Variants in MYO5B observed in about 807,000 individuals in gnomAD.
The protein encoded by MYO5B is myosin VB.
Under a neutral mutation model 229.3 loss-of-function variants are expected in MYO5B, and 143 were observed. That is an observed-to-expected ratio of 0.62 (90% CI 0.54 to 0.72). The LOEUF (loss-of-function observed/expected upper bound fraction) is 0.72, where lower values mean the gene tolerates loss of function less well. Among genes scored for constraint, MYO5B ranks in the 30% least tolerant of loss-of-function variants. MYO5B has a pLI of 0.00. For missense variants in MYO5B, 2,321 were observed against 2,331.0 expected, an observed-to-expected ratio of 1.00 and a Z score of 0.09; for synonymous variants, 918 against 885.2, an observed-to-expected ratio of 1.04 and a Z score of -0.66.
At chr18:49,857,038 C>A in intron 29 of MYO5B, 148 bp from the exon 30 acceptor site, 1 of 708,354 alleles carries the variant, frequency 1.4e-6, no homozygotes. Flanking sequence ...CCTTCCTCCT[C>A]TCCTGTCACC....
intron 39 of MYO5B, among the ~76,000 whole-genome samples, chr18:49,832,901 G>A: frequency 6.6e-6 from 1 of 152,070 alleles, no homozygotes; most frequent in Non-Finnish European, 1.5e-5. Flanking sequence ...CTCTGGGATT[G>A]TTGACAGCTC....
chr18:50,120,192 G>C (rs2032034960), intron 1 of MYO5B, among the ~76,000 whole-genome samples: 1 of 152,208 alleles, frequency 6.6e-6, no homozygotes, highest in Non-Finnish European at 1.5e-5. Context: ...CCTTTTGGGG[G>C]CCAGAAGTAT....
Position 49,953,241 on chromosome 18 carries a change from C to CA in MYO5B, c.1752+18dup. 1 of 1,611,070 alleles carries CA rather than the reference C, an allele frequency of 6.2e-7. No homozygotes were observed. The highest frequency in any genetic ancestry group is 8.5e-7 in the Non-Finnish European group (1 of 1,177,250). Reference sequence around the variant, plus strand: ...CCGTGGGCATTCCTGCTCCACTCCCCACTTCTGACACTCTTTACCTTGCTG... The same window carrying CA: ...CCGTGGGCATTCCTGCTCCACTCCCCAACTTCTGACACTCTTTACCTTGCTG... On this transcript the variant is annotated intron_variant, in intron 14 of 39. Coordinates refer to ENST00000285039, the MANE Select transcript of MYO5B (RefSeq NM_001080467.3).
intron 17 of MYO5B, among the ~76,000 whole-genome samples, chr18:49,927,359 T>TA (rs34171321): frequency 0.63 from 92,052 of 145,082 alleles, 28,760 homozygotes; most frequent in Middle Eastern, 0.67. Flanking sequence ...TTCACAGAAC[T>TA]AAAAAAAAAA....
At chr18:49,891,664 AC>A (rs1394970800) in intron 22 of MYO5B, among the ~76,000 whole-genome samples, 1 of 151,880 alleles carries the variant, frequency 6.6e-6, no homozygotes, top group African/African-American at 2.4e-5. Context: ...TGAGAGCACA[AC>A]CCCCTCTTGG....
At position 50,140,024 on chromosome 18, in the gene MYO5B, G is replaced by GAAAA. The variant is rs74176754; in HGVS notation, c.27+54739_27+54742dup. ...CTTAAAATTACAAACAACCTAGGGG[G>GAAAA]AAAAAAACTTTAAAAAACAAATCAG... On this transcript the variant is annotated intron_variant, in intron 1 of 39. Transcript: ENST00000285039. 7.5e-3 allele frequency among the ~76,000 whole-genome samples: 1,140 copies of GAAAA among 151,968 alleles called. 15 individuals are homozygous for GAAAA. Among genetic ancestry groups the GAAAA allele is most frequent in the African/African-American group, 0.026 (1,083 of 41,402 alleles).
intron 1 of MYO5B, among the ~76,000 whole-genome samples, chr18:50,077,502 AACACACACACACACACAC>A (rs60086500): frequency 2.7e-4 from 36 of 133,606 alleles, no homozygotes; most frequent in Admixed American, 8.3e-4. Context: ...CACACACACA[AACACACACACACACACAC>A]ACACACACAC....
At chr18:49,910,903 A>C (rs886966859) in intron 18 of MYO5B, among the ~76,000 whole-genome samples, 1 of 152,236 alleles carries the variant, frequency 6.6e-6, no homozygotes, top group Non-Finnish European at 1.5e-5. Flanking sequence ...ATTAATGATC[A>C]TACTCTGCTG....
At chr18:50,167,378 T>A (rs1018822813) in intron 1 of MYO5B, among the ~76,000 whole-genome samples, 2 of 152,200 alleles carry the variant, frequency 1.3e-5, no homozygotes, top group African/African-American at 4.8e-5. Flanking sequence ...TAAGAAGGCT[T>A]AAGTTTCATA....
intron 1 of MYO5B, among the ~76,000 whole-genome samples, chr18:50,101,666 T>C (rs1199507649): frequency 6.6e-6 from 1 of 152,100 alleles, no homozygotes; most frequent in Non-Finnish European, 1.5e-5. Context: ...ATTAGCGAAA[T>C]GCAAATCAAA....
At chr18:49,901,440 G>A (rs934120748) in intron 21 of MYO5B, among the ~76,000 whole-genome samples, 1 of 152,208 alleles carries the variant, frequency 6.6e-6, no homozygotes, top group Non-Finnish European at 1.5e-5. Flanking sequence ...TTAATCAATG[G>A]CTTGTTACCC....
intron 31 of MYO5B, among the ~76,000 whole-genome samples, chr18:49,852,055 C>A (rs901801927): frequency 6.6e-6 from 1 of 152,206 alleles, no homozygotes; most frequent in Admixed American, 6.5e-5. Flanking sequence ...AGTGTCACCA[C>A]CCCAGCAGAG....
chr18:49,966,381 A>T (rs1220202712), intron 10 of MYO5B, among the ~76,000 whole-genome samples: 1 of 152,200 alleles, frequency 6.6e-6, no homozygotes, highest in Admixed American at 6.5e-5. Context: ...TGCACTCCAG[A>T]CCAAGCAGGA....
rs545686287 is a variant in MYO5B at position 50,170,303 on chromosome 18, T to A, written c.27+24464A>T. 2.4e-5 allele frequency among the ~76,000 whole-genome samples: 3 copies of A among 127,088 alleles called. 1 individual carries two copies. Among genetic ancestry groups the A allele is most frequent in the African/African-American group, 8.9e-5 (3 of 33,546 alleles). 83.4% of individuals were successfully genotyped at this position (127,088 alleles called of 152,430 possible). A position where few individuals can be genotyped will look rare whatever the true frequency, so the allele number is the denominator to read the frequency against. On this transcript the variant is annotated intron_variant, in intron 1 of 39. Transcript: ENST00000285039. ...TCAAAGCAGGTTTTCAAGTTTTCCATCAGAAATGTACTATTTCGATAATAC... is the reference window on the plus strand; with the variant it reads ...TCAAAGCAGGTTTTCAAGTTTTCCAACAGAAATGTACTATTTCGATAATAC...
At chr18:49,826,726 TACG>T (rs753680373) in intron 39 of MYO5B, 103 bp from the exon 40 acceptor site, 78 of 1,359,584 alleles carry the variant, frequency 5.7e-5, no homozygotes, top group Non-Finnish European at 7.5e-5. Flanking sequence ...GAAAGATTTC[TACG>T]ACAATTAGGT....
chr18:50,165,023 G>A (rs1357695483), intron 1 of MYO5B, among the ~76,000 whole-genome samples: 1 of 152,196 alleles, frequency 6.6e-6, no homozygotes. Context: ...CAGGGCTTTG[G>A]AGCATCTATA....
chr18:50,094,858 C>T (rs60328586), intron 1 of MYO5B, among the ~76,000 whole-genome samples: 34,791 of 151,986 alleles, frequency 0.23, 4,473 homozygotes, highest in African/African-American at 0.35. Context: ...AAAACAGTCT[C>T]GCTCTGTCAC....
At chr18:50,185,517 G>A (rs572232470) in intron 1 of MYO5B, among the ~76,000 whole-genome samples, 6 of 152,182 alleles carry the variant, frequency 3.9e-5, no homozygotes, top group Non-Finnish European at 8.8e-5. Flanking sequence ...GTTCAAAAAA[G>A]CTAGAAGATA....
At chr18:50,008,871 T>G (rs1378714305) in intron 4 of MYO5B, among the ~76,000 whole-genome samples, 1 of 152,232 alleles carries the variant, frequency 6.6e-6, no homozygotes, top group Non-Finnish European at 1.5e-5. Flanking sequence ...CTACATGCTC[T>G]AATCATATAG....
Sources: gnomAD v4.1 joint callset for allele counts (sites outside exome capture counted in the v4.1 genomes callset) on GRCh38, gnomAD v4.1.1 for gene constraint, MANE v1.5 for transcripts, NCBI Gene and HGNC (gene_info 2026-07-23, HGNC 2026-07-21) for gene names.